UNC13A: variants seen among roughly 807,000 people sequenced by gnomAD.
The protein encoded by UNC13A is protein unc-13 homolog A.
Under a neutral mutation model 219.7 loss-of-function variants are expected in UNC13A, and 61 were observed. The ratio of observed to expected loss-of-function variants is 0.28; its 90% CI spans 0.23 to 0.34. UNC13A has a LOEUF of 0.34. UNC13A is among the 10% of genes least tolerant of loss of function. The pLI is 1.00. For missense variants in UNC13A, 1,476 were observed against 2,270.3 expected (o/e 0.65, Z 7.11); for synonymous variants, 920 against 884.6 (o/e 1.04, Z -0.71).
intron 6 of UNC13A, among the ~76,000 whole-genome samples, 178 bp downstream of exon 6, chr19:17,667,939 C>A (rs755997462): frequency 6.6e-6 from 1 of 151,934 alleles, no homozygotes; most frequent in South Asian, 2.1e-4. Flanking sequence ...TTTCTTGACC[C>A]CATCATTGTC....
chr19:17,612,501 CCTTCCACT>C (rs889978010), intron 41 of UNC13A, among the ~76,000 whole-genome samples: 1 of 152,136 alleles, frequency 6.6e-6, no homozygotes. Flanking sequence ...TGCTGGTCTT[CCTTCCACT>C]CTTTCATCTA....
chr19:17,630,100 C>T (rs2144998297), intron 30 of UNC13A, 45 bp downstream of exon 30: 2 of 1,545,550 alleles, frequency 1.3e-6, no homozygotes, highest in Non-Finnish European at 1.7e-6. Context: ...AATTCCCTAA[C>T]CCTGACCCTG....
chr19:17,641,038 C>A (rs976007010), intron 21 of UNC13A, among the ~76,000 whole-genome samples: 1 of 151,976 alleles, frequency 6.6e-6, no homozygotes, highest in Non-Finnish European at 1.5e-5. Flanking sequence ...GCCACCACAC[C>A]TGGATAACTT....
intron 4 of UNC13A, 51 bp downstream of exon 4, chr19:17,672,327 G>A: frequency 6.9e-7 from 1 of 1,456,304 alleles, no homozygotes; most frequent in Non-Finnish European, 9.6e-7. Flanking sequence ...TGGTCTCTGG[G>A]CTTCTGCAAG....
intron 33 of UNC13A, among the ~76,000 whole-genome samples, chr19:17,626,997 C>G (rs573454492): frequency 7.2e-5 from 11 of 152,126 alleles, no homozygotes; most frequent in African/African-American, 2.2e-4. Flanking sequence ...ATCGAGACCA[C>G]CCTGGCCAAC....
rs1437772096 is a variant in UNC13A at position 17,656,053 on chromosome 19, G to A, written c.1113C>T (p.Asp371=). The change falls in exon 10 of 44, where the codon GAC becomes GAT. Residue 371 remains aspartate (D), a synonymous_variant. Transcript: ENST00000519716. ...CTGGCGGGAGGCTGATGCGTTTGAA[G>A]TCTTTGGGCTCAGCCACAGCTACGT... is the stretch of plus-strand genomic sequence containing the variant. ...REDVAVAEPK[D]FKRISLPPAA... 4 of 1,557,970 alleles carry A rather than the reference G, an allele frequency of 2.6e-6. No individual in the cohort carries two copies. The highest frequency in any genetic ancestry group is 3.5e-6 in the Non-Finnish European group (4 of 1,150,638).
intron 1 of UNC13A, among the ~76,000 whole-genome samples, chr19:17,683,424 G>A (rs1247696494): frequency 6.6e-6 from 1 of 152,110 alleles, no homozygotes; most frequent in East Asian, 1.9e-4. Context: ...TTGAAGTCAG[G>A]AGTTCAAGAC....
At chr19:17,621,941 G>T in intron 36 of UNC13A, 71 bp from the exon 37 acceptor site, 1 of 1,494,584 alleles carries the variant, frequency 6.7e-7, no homozygotes, top group Non-Finnish European at 9.3e-7. Context: ...ATGCTCACAG[G>T]AATATTCATG....
At chr19:17,667,144 G>A (rs891758075) in intron 6 of UNC13A, among the ~76,000 whole-genome samples, 28 of 152,062 alleles carry the variant, frequency 1.8e-4, no homozygotes, top group Non-Finnish European at 3.1e-4. Flanking sequence ...CCAGTTACCC[G>A]GGAGGCCGAG....
At chr19:17,654,641 C>T (rs1159179799) in intron 11 of UNC13A, among the ~76,000 whole-genome samples, 2 of 152,098 alleles carry the variant, frequency 1.3e-5, no homozygotes, top group Admixed American at 6.5e-5. Context: ...GTCAGCTTGC[C>T]CCTGATGCTG....
At chr19:17,614,594 G>C (rs914865684) in intron 41 of UNC13A, among the ~76,000 whole-genome samples, 16 of 152,132 alleles carry the variant, frequency 1.1e-4, no homozygotes, top group African/African-American at 3.9e-4. Context: ...GAGAAGAAGG[G>C]GAAAGTCAGA....
intron 43 of UNC13A, among the ~76,000 whole-genome samples, chr19:17,607,019 C>T (rs1186875188): frequency 2.6e-5 from 4 of 152,050 alleles, no homozygotes; most frequent in African/African-American, 9.7e-5. Context: ...CCAGGTTGTA[C>T]CTCTATCCCT....
chr19:17,626,343 T>C (rs1160275934), intron 34 of UNC13A: 1 of 337,688 alleles, frequency 3.0e-6, no homozygotes, highest in Non-Finnish European at 5.5e-6. Flanking sequence ...CCTCCCTCTA[T>C]CCTTCTAAAC....
At position 17,685,279 on chromosome 19, in the gene UNC13A, C is replaced by T. The variant is rs1027040539; in HGVS notation, c.22+2899G>A. Among the ~76,000 whole-genome samples, 5 of 152,090 alleles carry T rather than the reference C, an allele frequency of 3.3e-5. No homozygotes were observed. In the East Asian group the frequency reaches 9.6e-4, roughly 29 times the overall value. On this transcript the variant is annotated intron_variant, in intron 1 of 43. Transcript: ENST00000519716. The stretch of plus-strand genomic sequence containing the variant: ...GATCTCAGCTCACTGCAACCTCCAC[C>T]TCCCCTATTCAAGTGATTCTCCTTC...
rs1253763287 is a variant in UNC13A at position 17,602,259 on chromosome 19, C to T, written c.*3795G>A. 2 of 152,780 alleles carry T rather than the reference C, an allele frequency of 1.3e-5. No individual in the cohort carries two copies. Among genetic ancestry groups the T allele is most frequent in the Non-Finnish European group, 2.9e-5 (2 of 68,224 alleles). 9.5% of individuals were successfully genotyped at this position (152,780 alleles called of 1,614,324 possible). A position where few individuals can be genotyped will look rare whatever the true frequency, so the allele number is the denominator to read the frequency against. ...CTTTACTTCCCCCGACACTCCCTGC[C>T]TTGGTCTCTGCATTTATCTTTCTCT... is the stretch of plus-strand genomic sequence containing the variant. On this transcript the variant is annotated 3_prime_UTR_variant, in exon 44 of 44. Coordinates refer to ENST00000519716, the MANE Select transcript of UNC13A (RefSeq NM_001080421.3).
chr19:17,638,581 C>A (rs867411151), intron 25 of UNC13A, among the ~76,000 whole-genome samples: 1 of 152,128 alleles, frequency 6.6e-6, no homozygotes, highest in Admixed American at 6.6e-5. Flanking sequence ...AATCTCAGTA[C>A]TTTGGGAGGC....
intron 6 of UNC13A, 130 bp from the exon 7 acceptor site, chr19:17,666,834 GGATAC>G (rs1341749594): frequency 2.2e-6 from 1 of 463,708 alleles, no homozygotes; most frequent in Non-Finnish European, 3.6e-6. Context: ...TCTATGAGAA[GGATAC>G]AGGGAGTAAG....
chr19:17,626,601 C>A, intron 34 of UNC13A, 32 bp downstream of exon 34: 1 of 1,513,962 alleles, frequency 6.6e-7, no homozygotes, highest in Non-Finnish European at 8.9e-7. Context: ...CAGCCCCTCC[C>A]CGGCCAGCCC....
intron 4 of UNC13A, 62 bp from the exon 5 acceptor site, chr19:17,669,738 C>T: frequency 1.3e-6 from 2 of 1,529,120 alleles, no homozygotes; most frequent in Non-Finnish European, 1.8e-6. Flanking sequence ...CCCCAGGGCC[C>T]CTACTCTCGC....
Sources: allele counts gnomAD v4.1 joint callset (sites outside exome capture counted in the v4.1 genomes callset), GRCh38; gene constraint gnomAD v4.1.1; transcripts MANE v1.5; gene names NCBI Gene and HGNC (gene_info 2026-07-23, HGNC 2026-07-21).